Variants in PDZD8 observed in about 807,000 individuals in gnomAD.
The protein encoded by PDZD8 is PDZ domain containing 8.
In PDZD8, 14 loss-of-function variants were observed where a neutral mutation model predicts 85.8. The ratio of observed to expected loss-of-function variants is 0.16; its 90% CI spans 0.11 to 0.26. PDZD8 has a LOEUF of 0.26. PDZD8 is among the 10% of genes least tolerant of loss of function. PDZD8 has a pLI of 1.00. For missense variants in PDZD8, 1,197 were observed against 1,424.3 expected (o/e 0.84, Z 2.57); for synonymous variants, 592 against 568.6 (o/e 1.04, Z -0.59).
In PDZD8 at chr10:117,313,639, A is replaced by C. The variant is rs1050031501; in HGVS notation, c.1098+5233T>G. 2.0e-5 allele frequency among the ~76,000 whole-genome samples: 3 copies of C among 152,134 alleles called. No homozygotes were observed. The South Asian group carries it at 6.2e-4, about 31-fold the overall frequency. On this transcript the variant is annotated intron_variant, in intron 3 of 4. Coordinates refer to ENST00000334464, the MANE Select transcript of PDZD8 (RefSeq NM_173791.5). ...AACTTTGGTATGGATCTTCATCAAA[A>C]GCTTTCTGAAAGTTGAAAATGCATT... is the stretch of plus-strand genomic sequence containing the variant.
chr10:117,298,534 C>T (rs957372057), intron 3 of PDZD8, among the ~76,000 whole-genome samples: 2 of 152,130 alleles, frequency 1.3e-5, no homozygotes, highest in African/African-American at 4.8e-5. Context: ...AGTTCTTCTA[C>T]ATAACTTCTT....
chr10:117,298,689 A>C (rs1482175687), intron 3 of PDZD8, among the ~76,000 whole-genome samples: 1 of 152,144 alleles, frequency 6.6e-6, no homozygotes, highest in Non-Finnish European at 1.5e-5. Flanking sequence ...TATCAAAGTT[A>C]ATAACTATTA....
At chr10:117,322,912 C>T (rs934035523) in intron 2 of PDZD8, among the ~76,000 whole-genome samples, 9 of 152,160 alleles carry the variant, frequency 5.9e-5, no homozygotes, top group African/African-American at 1.4e-4. Flanking sequence ...GACTCAAACT[C>T]GTGGCATATC....
chr10:117,332,258 T>C (rs887954502), intron 2 of PDZD8, among the ~76,000 whole-genome samples: 1 of 152,110 alleles, frequency 6.6e-6, no homozygotes, highest in South Asian at 2.1e-4. Context: ...GTCTTATGCC[T>C]GAGCTAATTT....
In PDZD8 at chr10:117,278,485, G is replaced by T. The variant is rs1161345786; in HGVS notation, c.*4783C>A. The T allele has an allele frequency of 6.6e-6, 1 of 152,198 alleles. No homozygotes were observed. The highest frequency in any genetic ancestry group is 1.5e-5 in the Non-Finnish European group (1 of 68,040). The allele number at this position is 152,198 out of a possible 1,614,324, so 9.4% of individuals were successfully genotyped here. On this transcript the variant is annotated 3_prime_UTR_variant, in exon 5 of 5. Coordinates refer to ENST00000334464, the MANE Select transcript of PDZD8 (RefSeq NM_173791.5). ...ATGACAACATTGATGTGCCTTTTCA[G>T]TGTAACAGCAAATACTGTTAGTGAA...
At chr10:117,341,213 C>T (rs1844606235) in intron 1 of PDZD8, 111 bp from the exon 2 acceptor site, 1 of 1,149,100 alleles carries the variant, frequency 8.7e-7, no homozygotes, top group African/African-American at 1.6e-5. Flanking sequence ...CCTAATACTA[C>T]ACGTGCTCTA....
At chr10:117,361,874 G>T (rs1034970203) in intron 1 of PDZD8, among the ~76,000 whole-genome samples, 3 of 151,980 alleles carry the variant, frequency 2.0e-5, no homozygotes, top group Admixed American at 2.0e-4. Flanking sequence ...ATTGTATTAG[G>T]CATTATAAGT....
intron 3 of PDZD8, among the ~76,000 whole-genome samples, chr10:117,290,993 C>G (rs973365518): frequency 5.9e-5 from 9 of 151,286 alleles, no homozygotes; most frequent in African/African-American, 2.2e-4. Context: ...CCTCAGCCTC[C>G]CAAGCAGCTG....
At chr10:117,290,864 C>CTT (rs145614241) in intron 3 of PDZD8, among the ~76,000 whole-genome samples, 3,404 of 122,708 alleles carry the variant, frequency 0.028, 111 homozygotes, top group East Asian at 0.036. Context: ...ATGGTGTATC[C>CTT]TTTTTTTTTT....
chr10:117,360,059 C>T (rs1388643364), intron 1 of PDZD8, among the ~76,000 whole-genome samples: 1 of 152,186 alleles, frequency 6.6e-6, no homozygotes, highest in Non-Finnish European at 1.5e-5. Context: ...TTTATCCAAG[C>T]TCCTATTTCT....
chr10:117,278,189 A>ATATC lies in PDZD8; in HGVS notation c.*5075_*5078dup, dbSNP rs1220096403. 1 of 152,230 alleles carries ATATC rather than the reference A, an allele frequency of 6.6e-6. No individual in the cohort carries two copies. The highest frequency in any genetic ancestry group is 1.5e-5 in the Non-Finnish European group (1 of 68,034). The allele number at this position is 152,230 out of a possible 1,614,324, so 9.4% of individuals were successfully genotyped here. On this transcript the variant is annotated 3_prime_UTR_variant, in exon 5 of 5. Coordinates refer to ENST00000334464, the MANE Select transcript of PDZD8 (RefSeq NM_173791.5). ...GCTGCTCTGACTTTAATATCTGACT[A>ATATC]TATCTTTGATCTGTTTGCAGGTCAT...
intron 3 of PDZD8, among the ~76,000 whole-genome samples, chr10:117,296,691 A>G (rs543959017): frequency 1.3e-5 from 2 of 152,262 alleles, no homozygotes; most frequent in South Asian, 4.1e-4. Flanking sequence ...CACAGGTGCT[A>G]GATTAATTAA....
Position 117,290,202 on chromosome 10 carries a change from T to C in PDZD8, c.1245A>G (p.Arg415=), listed in dbSNP as rs1376401206. 1 of 1,613,652 alleles carries C rather than the reference T, an allele frequency of 6.2e-7. No individual in the cohort carries two copies. The highest frequency in any genetic ancestry group is 1.1e-5 in the South Asian group (1 of 90,962). The change falls in exon 4 of 5, where the codon CGA becomes CGG. Residue 415 remains arginine, a synonymous_variant. Transcript: ENST00000334464. ...CATAATTACCTCCAATGGCGATAAGTCGATCTCCCCGCTGAAGATCTGCAA... is the reference window on the plus strand; with the variant it reads ...CATAATTACCTCCAATGGCGATAAGCCGATCTCCCCGCTGAAGATCTGCAA... ...AAIADLQRGD[R]LIAIGGVKIT...
At chr10:117,333,725 C>T (rs903192062) in intron 2 of PDZD8, among the ~76,000 whole-genome samples, 2 of 152,200 alleles carry the variant, frequency 1.3e-5, no homozygotes, top group African/African-American at 4.8e-5. Flanking sequence ...AAACATTTCA[C>T]TTTAAAATAT....
In PDZD8 at chr10:117,312,041, T is replaced by G. The variant is rs555103653; in HGVS notation, c.1098+6831A>C. ...CCTATTTCCCATCAGTGCTTTACATTGGTCAAACCTAGCTGAAATACAGCC... is the reference window on the plus strand; with the variant it reads ...CCTATTTCCCATCAGTGCTTTACATGGGTCAAACCTAGCTGAAATACAGCC... On this transcript the variant is annotated intron_variant, in intron 3 of 4. Coordinates refer to ENST00000334464, the MANE Select transcript of PDZD8 (RefSeq NM_173791.5). Among the ~76,000 whole-genome samples, 189 of 152,170 alleles carry G rather than the reference T, an allele frequency of 1.2e-3. 3 individuals are homozygous for G. The highest frequency in any genetic ancestry group is 5.6e-4 in the Non-Finnish European group (38 of 68,026).
At chr10:117,328,440 C>G (rs1844355351) in intron 2 of PDZD8, among the ~76,000 whole-genome samples, 1 of 151,458 alleles carries the variant, frequency 6.6e-6, no homozygotes, top group African/African-American at 2.4e-5. Flanking sequence ...GAGACAGGGT[C>G]TTGCTCTGTC....
intron 3 of PDZD8, among the ~76,000 whole-genome samples, chr10:117,301,168 G>A (rs936786237): frequency 2.0e-5 from 3 of 151,968 alleles, no homozygotes; most frequent in African/African-American, 7.3e-5. Context: ...TTTATTTTTA[G>A]TAGAGACAGG....
At chr10:117,285,543 T>G in intron 4 of PDZD8, 72 bp from the exon 5 acceptor site, 5 of 1,319,898 alleles carry the variant, frequency 3.8e-6, no homozygotes, top group South Asian at 1.7e-5. Context: ...TTAAATGTAT[T>G]TAATTAAATA....
chr10:117,297,088 A>G (rs1843770294), intron 3 of PDZD8, among the ~76,000 whole-genome samples: 1 of 152,168 alleles, frequency 6.6e-6, no homozygotes, highest in African/African-American at 2.4e-5. Context: ...CTAAATAAGA[A>G]AAAGCCCAAT....
Sources: gnomAD v4.1 joint callset for allele counts (sites outside exome capture counted in the v4.1 genomes callset) on GRCh38, gnomAD v4.1.1 for gene constraint, MANE v1.5 for transcripts, NCBI Gene and HGNC (gene_info 2026-07-23, HGNC 2026-07-21) for gene names.